Variants in PKD1L3 observed in about 807,000 individuals in gnomAD.
The protein encoded by PKD1L3 is polycystin-1-like protein 3.
PKD1L3 carries 239 observed loss-of-function variants against 184.1 expected under a neutral mutation model. The ratio of observed to expected loss-of-function variants is 1.30; its 90% confidence interval spans 1.17 to 1.45. The LOEUF (loss-of-function observed/expected upper bound fraction) is 1.45, where lower values mean the gene tolerates loss of function less well. Among genes scored for constraint, PKD1L3 ranks in the 40% most tolerant of loss-of-function variants. The pLI is 0.00. For synonymous variants in PKD1L3, 996 were observed against 778.8 expected (o/e 1.28, Z -4.64); for missense variants, 2,660 against 2,067.2 (o/e 1.29, Z -5.56).
Position 71,978,263 on chromosome 16 carries a change from C to T in PKD1L3, c.1519G>A (p.Asp507Asn). The change falls in exon 10 of 30, where the codon GAC (aspartate) becomes AAC (asparagine). Residue 507 changes from aspartate to asparagine, a missense_variant. Asp to Asn is a conservative substitution (Grantham distance 23). Coordinates refer to ENST00000620267, the MANE Select transcript of PKD1L3 (RefSeq NM_181536.2). ...KLLQVHDLME[D>N]IEIMLWRNVS... ...TAAGAATCAGTTCCTACCTCAATGT[C>T]CTCCATTAAATCATGGACTTGGAGC... The T allele has an allele frequency of 6.5e-7, 1 of 1,549,550 alleles. No individual in the cohort carries two copies. The highest frequency in any genetic ancestry group is 1.2e-5 in the South Asian group (1 of 83,998).
chr16:71,941,210 A>C (rs2038348700), intron 24 of PKD1L3, among the ~76,000 whole-genome samples: 1 of 152,000 alleles, frequency 6.6e-6, no homozygotes, highest in Non-Finnish European at 1.5e-5. Context: ...ACAAACAACA[A>C]ATCAAAAAAC....
At chr16:71,986,042 C>T (rs1179682705) in intron 5 of PKD1L3, among the ~76,000 whole-genome samples, 179 bp downstream of exon 5, 1 of 152,180 alleles carries the variant, frequency 6.6e-6, no homozygotes, top group African/African-American at 2.4e-5. Context: ...AAACGTTGGG[C>T]TGTATATGTG....
In PKD1L3 at chr16:71,935,524, CAT is replaced by C. The variant is rs1567488162; in HGVS notation, c.4453-8_4453-7del. The C allele has an allele frequency of 6.4e-7, 1 of 1,551,600 alleles. No individual in the cohort carries two copies. The highest frequency in any genetic ancestry group is 1.4e-5 in the African/African-American group (1 of 73,034). ...TGCTGTTTCAGCTGACAACCCTAAA[CAT>C]AGACAGCACAGTCACTGTTGCTTGT... On this transcript the variant is annotated splice_polypyrimidine_tract_variant and splice_region_variant and intron_variant, in intron 25 of 29. Coordinates refer to ENST00000620267, the MANE Select transcript of PKD1L3 (RefSeq NM_181536.2).
At chr16:71,960,876 A>C (rs776558255) in intron 16 of PKD1L3, among the ~76,000 whole-genome samples, 12 of 152,158 alleles carry the variant, frequency 7.9e-5, no homozygotes, top group Non-Finnish European at 1.8e-4. Context: ...TGGCAAACAC[A>C]GTGAGACCCT....
At position 71,976,796 on chromosome 16, in the gene PKD1L3, G is replaced by A. The variant is rs148685971; in HGVS notation, c.1759+440C>T. Among the ~76,000 whole-genome samples, 225 of 152,186 alleles carry A rather than the reference G, an allele frequency of 1.5e-3. 1 individual carries two copies. The highest frequency in any genetic ancestry group is 4.5e-3 in the Admixed American group (68 of 15,278). On this transcript the variant is annotated intron_variant, in intron 11 of 29. Transcript: ENST00000620267. ...CTGTCTCTGTCTCCCAGGCTGGAGTGCAGTGGCACGGTGTCAGCTCACTGC... is the reference window on the plus strand; with the variant it reads ...CTGTCTCTGTCTCCCAGGCTGGAGTACAGTGGCACGGTGTCAGCTCACTGC...
intron 4 of PKD1L3, among the ~76,000 whole-genome samples, chr16:71,988,866 T>C (rs2040480196): frequency 6.6e-6 from 1 of 152,214 alleles, no homozygotes; most frequent in South Asian, 2.1e-4. Context: ...AGTGAAATTA[T>C]GTGGGGAGGC....
chr16:71,981,846 G>A (rs1300174694), intron 7 of PKD1L3, among the ~76,000 whole-genome samples: 4 of 151,930 alleles, frequency 2.6e-5, no homozygotes, highest in African/African-American at 9.7e-5. Context: ...CAGCCCCTAA[G>A]TCCTTTTCAC....
At chr16:71,956,130 T>C (rs759197435) in intron 16 of PKD1L3, among the ~76,000 whole-genome samples, 1 of 151,630 alleles carries the variant, frequency 6.6e-6, no homozygotes, top group Non-Finnish European at 1.5e-5. Flanking sequence ...AGCGCTGGGA[T>C]TCCAGGTGTG....
chr16:71,939,283 G>A (rs973080396), intron 24 of PKD1L3, among the ~76,000 whole-genome samples: 4 of 152,192 alleles, frequency 2.6e-5, no homozygotes, highest in Non-Finnish European at 4.4e-5. Context: ...ATACCTCACT[G>A]CTCTGTACCT....
chr16:71,958,364 G>A (rs1472870281), intron 16 of PKD1L3, among the ~76,000 whole-genome samples: 1 of 141,764 alleles, frequency 7.1e-6, no homozygotes, highest in African/African-American at 2.6e-5. Flanking sequence ...TCCAGCCTGG[G>A]CGACAGAGCG....
Position 71,999,729 on chromosome 16 carries a change from G to A in PKD1L3, c.250C>T (p.Gln84Ter). The change falls in exon 1 of 30, where the codon CAA (glutamine) becomes TAA (stop). Residue 84 changes from glutamine (Q) to a stop codon, truncating the protein, a stop_gained. Coordinates refer to ENST00000620267, the MANE Select transcript of PKD1L3 (RefSeq NM_181536.2). LOFTEE classifies it high-confidence loss of function. The stretch of plus-strand genomic sequence containing the variant: ...TGCTTTTTCAATGGCATTACATTTT[G>A]CCCAATCCACCACTTCTTTCCTTCT... The part of the protein sequence containing the change: ...LEEGKKWWIG[Q>*]NVMPLKKHQD... The A allele has an allele frequency of 1.3e-6, 2 of 1,550,902 alleles. No homozygotes were observed. The highest frequency in any genetic ancestry group is 1.7e-6 in the Non-Finnish European group (2 of 1,146,630).
At chr16:71,983,256 C>T (rs980772905) in intron 6 of PKD1L3, among the ~76,000 whole-genome samples, 3 of 151,940 alleles carry the variant, frequency 2.0e-5, no homozygotes, top group Admixed American at 2.0e-4. Flanking sequence ...AAACCATCCT[C>T]CCATCTCAGC....
intron 16 of PKD1L3, 65 bp from the exon 17 acceptor site, chr16:71,954,366 T>C: frequency 7.5e-7 from 1 of 1,328,856 alleles, no homozygotes; most frequent in Non-Finnish European, 1.0e-6. Flanking sequence ...CAGTTTAAGA[T>C]GTGATTTGCC....
At chr16:71,993,900 G>C (rs939763815) in intron 2 of PKD1L3, among the ~76,000 whole-genome samples, 1 of 152,008 alleles carries the variant, frequency 6.6e-6, no homozygotes, top group Non-Finnish European at 1.5e-5. Flanking sequence ...TCAGCCTCCC[G>C]AGTAGCTGGG....
At chr16:71,976,227 G>A (rs995795061) in intron 11 of PKD1L3, among the ~76,000 whole-genome samples, 2 of 144,108 alleles carry the variant, frequency 1.4e-5, no homozygotes, top group African/African-American at 5.2e-5. Flanking sequence ...GGATTACAGT[G>A]GGATTTCAGG....
At chr16:71,988,555 C>T (rs12600121) in intron 4 of PKD1L3, among the ~76,000 whole-genome samples, 1 of 151,702 alleles carries the variant, frequency 6.6e-6, no homozygotes, top group African/African-American at 2.4e-5. Context: ...TCGTGGTGAC[C>T]ATGGTGAGAA....
intron 25 of PKD1L3, among the ~76,000 whole-genome samples, chr16:71,935,904 T>G (rs975005518): frequency 3.9e-5 from 6 of 152,092 alleles, no homozygotes; most frequent in African/African-American, 1.2e-4. Context: ...CAAGCAGTCC[T>G]CCTACCTCAG....
chr16:71,990,598 G>C (rs1179721078), intron 3 of PKD1L3, among the ~76,000 whole-genome samples: 2 of 152,098 alleles, frequency 1.3e-5, no homozygotes, highest in Non-Finnish European at 2.9e-5. Flanking sequence ...GCCGGGCGTG[G>C]TGGCGGATGC....
In PKD1L3 at chr16:71,945,388, A is replaced by ATTTATTTATT. The variant is rs1555514810; in HGVS notation, c.3719-1219_3719-1218insAATAAATAAA. ...TATACACACACGCACACACACATAT[A>ATTTATTTATT]TATATATATATTTATTTATTTATTT... On this transcript the variant is annotated intron_variant, in intron 22 of 29. Transcript: ENST00000620267. 7.9e-4 allele frequency among the ~76,000 whole-genome samples: 52 copies of ATTTATTTATT among 65,960 alleles called. 1 individual carries two copies. The highest frequency in any genetic ancestry group is 2.4e-3 in the African/African-American group (50 of 20,440). 43.3% of individuals were successfully genotyped at this position (65,960 alleles called of 152,430 possible). A position where few individuals can be genotyped will look rare whatever the true frequency, so the allele number is the denominator to read the frequency against.
Sources: gnomAD v4.1 joint callset for allele counts (sites outside exome capture counted in the v4.1 genomes callset) on GRCh38, gnomAD v4.1.1 for gene constraint, MANE v1.5 for transcripts, NCBI Gene and HGNC (gene_info 2026-07-23, HGNC 2026-07-21) for gene names.